ANTXR1: variants seen among roughly 807,000 people sequenced by gnomAD.
ANTXR1 encodes the protein anthrax toxin receptor 1.
ANTXR1 carries 19 observed loss-of-function variants against 78.1 expected under a neutral mutation model. The ratio of observed to expected loss-of-function variants is 0.24; its 90% confidence interval spans 0.17 to 0.36. The LOEUF (loss-of-function observed/expected upper bound fraction) is 0.36. Ranked by LOEUF, ANTXR1 falls within the 10% of genes least tolerant of loss-of-function variation. The pLI, the probability that ANTXR1 is intolerant of heterozygous loss-of-function variation, is 1.00. For synonymous variants in ANTXR1, 273 were observed against 260.5 expected (o/e 1.05, Z -0.46); for missense variants, 518 against 718.6 (o/e 0.72, Z 3.19).
In ANTXR1 at chr2:69,102,922, A is replaced by T. The variant is rs1288687179; in HGVS notation, c.784A>T (p.Asn262Tyr). The T allele has an allele frequency of 6.2e-7, 1 of 1,614,168 alleles. No individual in the cohort carries two copies. Among genetic ancestry groups the T allele is most frequent in the Admixed American group, 1.7e-5 (1 of 60,030 alleles). Reference protein sequence around the residue: ...VDRVLCSFKINDSVTLNEKPF... With the variant: ...VDRVLCSFKIYDSVTLNEKPF... ...CAGGGTCCTCTGCAGCTTCAAGATCAATGACTCGGTCACACTCAGTAAGTC... is the reference window on the plus strand; with the variant it reads ...CAGGGTCCTCTGCAGCTTCAAGATCTATGACTCGGTCACACTCAGTAAGTC... The change falls in exon 10 of 18, where the codon AAT becomes TAT. Residue 262 changes from asparagine to tyrosine, a missense_variant. Physicochemically the swap from Asn to Tyr is moderately radical, Grantham distance 143. This residue lies in a region of ANTXR1 where 264 missense variants were observed against 391.8 expected (regional missense o/e 0.67). Transcript: ENST00000303714.
chr2:69,229,340 T>C (rs1469964232), intron 17 of ANTXR1, among the ~76,000 whole-genome samples: 1 of 152,224 alleles, frequency 6.6e-6, no homozygotes, highest in Non-Finnish European at 1.5e-5. Context: ...ATCCTGAAGA[T>C]GGCATTCCTC....
rs1372725730 is a variant in ANTXR1 at position 69,073,011 on chromosome 2, G to T, written c.413-11G>T. 1.2e-6 allele frequency: 2 copies of T among 1,613,768 alleles called. No individual in the cohort carries two copies. The highest frequency in any genetic ancestry group is 2.2e-5 in the South Asian group (2 of 91,074). On this transcript the variant is annotated splice_polypyrimidine_tract_variant and intron_variant, in intron 5 of 17. Transcript: ENST00000303714. ...AGGGTGGACTGAGCCAGTCTGTATT[G>T]TGTTAAACAGGGTACAGGACAGCCA...
At chr2:69,218,934 G>T (rs1675246731) in intron 17 of ANTXR1, among the ~76,000 whole-genome samples, 1 of 152,110 alleles carries the variant, frequency 6.6e-6, no homozygotes, top group South Asian at 2.1e-4. Context: ...AAAGGCCCAG[G>T]TCCAATTAAA....
chr2:69,122,877 A>C, intron 10 of ANTXR1, 140 bp from the exon 11 acceptor site: 1 of 848,942 alleles, frequency 1.2e-6, no homozygotes, highest in East Asian at 2.4e-5. Context: ...AGTTTGCTGT[A>C]CAGCTTAAGT....
In ANTXR1 at chr2:69,248,189, C is replaced by T. The variant is rs547771122; in HGVS notation, c.*2704C>T. 9.1e-5 allele frequency: 15 copies of T among 165,012 alleles called. No individual in the cohort carries two copies. Among genetic ancestry groups the T allele is most frequent in the Admixed American group, 2.0e-4 (3 of 15,160 alleles). The allele number at this position is 165,012 out of a possible 1,614,324, so 10.2% of individuals were successfully genotyped here. The stretch of plus-strand genomic sequence containing the variant: ...GCACAAAATTATTGTTTTCAGCCCC[C>T]GTGTTATTGTCCTTTTGAACTGTTT... On this transcript the variant is annotated 3_prime_UTR_variant, in exon 18 of 18. Transcript: ENST00000303714.
rs1271145154 is a variant in ANTXR1, at chr2:69,248,958, AAT to A, written c.*3476_*3477del. The A allele has an allele frequency of 1.3e-5, 2 of 152,210 alleles. No homozygotes were observed. Among genetic ancestry groups the A allele is most frequent in the Non-Finnish European group, 2.9e-5 (2 of 68,038 alleles). The allele number at this position is 152,210 out of a possible 1,614,324, so 9.4% of individuals were successfully genotyped here. On this transcript the variant is annotated 3_prime_UTR_variant, in exon 18 of 18. Coordinates refer to ENST00000303714, the MANE Select transcript of ANTXR1 (RefSeq NM_032208.3). ...CAGATAACCAAATTAAAAGAATTAGAATATGATTTTTAATACACTTAACATTA... is the reference window on the plus strand; with the variant it reads ...CAGATAACCAAATTAAAAGAATTAGAATGATTTTTAATACACTTAACATTA...
At chr2:69,095,320 A>G (rs1384892303) in intron 9 of ANTXR1, among the ~76,000 whole-genome samples, 1 of 152,122 alleles carries the variant, frequency 6.6e-6, no homozygotes, top group Non-Finnish European at 1.5e-5. Flanking sequence ...ACAAAAATGC[A>G]TAAGACTTAG....
At chr2:69,043,427 T>C (rs1669669198) in intron 2 of ANTXR1, among the ~76,000 whole-genome samples, 1 of 152,216 alleles carries the variant, frequency 6.6e-6, no homozygotes, top group South Asian at 2.1e-4. Flanking sequence ...TATATTATTA[T>C]AATCATTATG....
chr2:69,181,827 G>T lies in ANTXR1; in HGVS notation c.1131G>T (p.Thr377=). The change falls in exon 15 of 18, where the codon ACG becomes ACT. Residue 377 remains threonine, a synonymous_variant. Coordinates refer to ENST00000303714, the MANE Select transcript of ANTXR1 (RefSeq NM_032208.3). The part of the protein sequence containing the change: ...DDGLPKKKWP[T]VDASYYGGRG... ...GTCTGCCTAAGAAAAAGTGGCCAAC[G>T]GTAGACGCCTCTTATTATGGTGGGA... 1 of 1,614,122 alleles carries T rather than the reference G, an allele frequency of 6.2e-7. No homozygotes were observed. The highest frequency in any genetic ancestry group is 8.5e-7 in the Non-Finnish European group (1 of 1,180,002).
In ANTXR1 at chr2:69,206,384, AAAT is replaced by A. The variant is rs532504353; in HGVS notation, c.1434+12975_1434+12977del. On this transcript the variant is annotated intron_variant, in intron 17 of 17. Coordinates refer to ENST00000303714, the MANE Select transcript of ANTXR1 (RefSeq NM_032208.3). ...AAATGTCACAGAGTCTGGAAAATTG[AAAT>A]AATAAGGGGCAGCATTCTCCTTAGT... Among the ~76,000 whole-genome samples the A allele has an allele frequency of 5.4e-4, 82 of 152,358 alleles. 1 individual carries two copies. In the South Asian group the frequency reaches 9.5e-3, roughly 18 times the overall value.
intron 17 of ANTXR1, among the ~76,000 whole-genome samples, chr2:69,208,113 G>A (rs990796412): frequency 3.9e-5 from 6 of 152,254 alleles, no homozygotes; most frequent in Non-Finnish European, 5.9e-5. Flanking sequence ...TCTCAATCCG[G>A]TCTGTGGATT....
chr2:69,152,254 G>T lies in ANTXR1; in HGVS notation c.1037G>T (p.Cys346Phe), dbSNP rs1238807101. ...CTCCTCTGGTGGTTCTGGCCCCTCT[G>T]CTGCACTGTGGTAAGTGCCCCAAAC... Reference protein sequence around the residue: ...LALLWWFWPLCCTVIIKEVPP... With the variant: ...LALLWWFWPLFCTVIIKEVPP... Residue 346 changes from cysteine (C) to phenylalanine (F), a missense_variant, in exon 13 of 18, where the codon TGC becomes TTC. Coordinates refer to ENST00000303714, the MANE Select transcript of ANTXR1 (RefSeq NM_032208.3). The T allele has an allele frequency of 6.2e-7, 1 of 1,614,064 alleles. No homozygotes were observed. Among genetic ancestry groups the T allele is most frequent in the Non-Finnish European group, 8.5e-7 (1 of 1,180,036 alleles).
In ANTXR1 at chr2:69,161,196, G is replaced by T. The variant is rs150300874; in HGVS notation, c.1047+8932G>T. ...TTCACAGACTTTTGCAGTGACACTG[G>T]CATACCATCTGATGGAGACCATGCA... On this transcript the variant is annotated intron_variant, in intron 13 of 17. Coordinates refer to ENST00000303714, the MANE Select transcript of ANTXR1 (RefSeq NM_032208.3). Among the ~76,000 whole-genome samples the T allele has an allele frequency of 2.0e-5, 3 of 152,236 alleles. No homozygotes were observed. In the East Asian group the frequency reaches 5.8e-4, roughly 29 times the overall value.
At chr2:69,052,649 G>A (rs539955030) in intron 3 of ANTXR1, among the ~76,000 whole-genome samples, 4 of 152,092 alleles carry the variant, frequency 2.6e-5, no homozygotes, top group Non-Finnish European at 4.4e-5. Context: ...CATTCTATCT[G>A]AAGACTTAAT....
At chr2:69,065,197 G>A (rs181508326) in intron 3 of ANTXR1, among the ~76,000 whole-genome samples, 12 of 152,142 alleles carry the variant, frequency 7.9e-5, no homozygotes, top group South Asian at 2.1e-4. Context: ...AGGCCGAGGC[G>A]GGCGGATCAC....
intron 13 of ANTXR1, among the ~76,000 whole-genome samples, chr2:69,157,139 C>T (rs1192549237): frequency 6.6e-6 from 1 of 152,138 alleles, no homozygotes; most frequent in African/African-American, 2.4e-5. Context: ...ACTTCTCATT[C>T]TTCTTTACCT....
intron 17 of ANTXR1, among the ~76,000 whole-genome samples, chr2:69,215,879 A>C (rs1301094977): frequency 6.6e-6 from 1 of 152,222 alleles, no homozygotes; most frequent in East Asian, 1.9e-4. Context: ...CAGATATTCT[A>C]TCAGTTCAAA....
intron 8 of ANTXR1, among the ~76,000 whole-genome samples, chr2:69,089,053 T>C (rs1202965566): frequency 6.6e-6 from 1 of 152,162 alleles, no homozygotes; most frequent in Non-Finnish European, 1.5e-5. Flanking sequence ...AGCCAGAGGC[T>C]GAGGAAATGA....
At chr2:69,163,864 A>C (rs1322524120) in intron 13 of ANTXR1, among the ~76,000 whole-genome samples, 2 of 152,166 alleles carry the variant, frequency 1.3e-5, no homozygotes, top group East Asian at 3.8e-4. Flanking sequence ...ACACTTTTAA[A>C]TGTGTAATGG....
Sources: allele counts gnomAD v4.1 joint callset (sites outside exome capture counted in the v4.1 genomes callset), GRCh38; gene constraint gnomAD v4.1.1; regional missense constraint gnomAD v4.1.1; transcripts MANE v1.5; gene names NCBI Gene and HGNC (gene_info 2026-07-23, HGNC 2026-07-21).